RCC1: variants seen among roughly 807,000 people sequenced by gnomAD.
RCC1 encodes the protein regulator of chromosome condensation.
RCC1 carries 11 observed loss-of-function variants against 44.4 expected under a neutral mutation model. The ratio of observed to expected loss-of-function variants is 0.25; its 90% CI spans 0.16 to 0.41. The LOEUF (loss-of-function observed/expected upper bound fraction) is 0.41, where lower values mean the gene tolerates loss of function less well. Ranked by LOEUF, RCC1 falls within the 10% of genes least tolerant of loss-of-function variation. The pLI is 1.00. For missense variants in RCC1, 386 were observed against 547.1 expected (o/e 0.71, Z 2.94); for synonymous variants, 213 against 216.5 (o/e 0.98, Z 0.14).
At chr1:28,520,609 C>G (rs909986380) in intron 4 of RCC1, among the ~76,000 whole-genome samples, 3 of 152,122 alleles carry the variant, frequency 2.0e-5, no homozygotes, top group Non-Finnish European at 2.9e-5. Flanking sequence ...TTCAGGAGTG[C>G]CTGATGGTGG....
chr1:28,508,696 A>G (rs1022660579), intron 2 of RCC1, 134 bp from the exon 3 acceptor site: 1 of 518,978 alleles, frequency 1.9e-6, no homozygotes, highest in South Asian at 1.4e-5. Flanking sequence ...CTGCGCCTGC[A>G]TATTCCTACA....
chr1:28,517,953 G>A (rs1307611312), intron 4 of RCC1, among the ~76,000 whole-genome samples: 2 of 152,192 alleles, frequency 1.3e-5, no homozygotes, highest in Non-Finnish European at 2.9e-5. Context: ...GGGAAGATGA[G>A]TATCTTTTTT....
rs552685498 is a variant in RCC1, at chr1:28,524,586, G to C, written c.-9-5272G>C. On this transcript the variant is annotated intron_variant, in intron 4 of 12. Coordinates refer to ENST00000683442, the MANE Select transcript of RCC1 (RefSeq NM_001381865.2). ...AAAAATAAAATAAAAGGCCAGGCAT[G>C]GTGGCTTACACCTATAATCCCAGCA... is the stretch of plus-strand genomic sequence containing the variant. 1.1e-4 allele frequency among the ~76,000 whole-genome samples: 17 copies of C among 152,180 alleles called. No individual in the cohort carries two copies. The South Asian group carries it at 3.5e-3, about 32-fold the overall frequency.
intron 7 of RCC1, among the ~76,000 whole-genome samples, chr1:28,533,990 T>C (rs1218717240): frequency 6.8e-6 from 1 of 146,854 alleles, no homozygotes; most frequent in Non-Finnish European, 1.5e-5. Flanking sequence ...CAATTCTCCT[T>C]CCTCAGCCTC....
At chr1:28,527,077 C>T (rs1663712724) in intron 4 of RCC1, 2 of 927,472 alleles carry the variant, frequency 2.2e-6, no homozygotes, top group African/African-American at 1.6e-5. Context: ...CAGAATTTTG[C>T]TTGACCGGAA....
At chr1:28,535,409 C>T in intron 9 of RCC1, 29 bp downstream of exon 9, 1 of 1,611,838 alleles carries the variant, frequency 6.2e-7, no homozygotes, top group Non-Finnish European at 8.5e-7. Context: ...TCCAGCAGGG[C>T]AAATTGGCAG....
In RCC1 at chr1:28,536,534, G is replaced by A. The variant is rs1381087946; in HGVS notation, c.937+153G>A. ...TGAGAGTCACTCTCATCCTCCTAGA[G>A]TCCTGGTGTTCTTCCAAGTGTGAGT... is the stretch of plus-strand genomic sequence containing the variant. On this transcript the variant is annotated intron_variant, in intron 11 of 12. Transcript: ENST00000683442. The surrounding 1 kb of genome is among the most constrained non-coding windows in gnomAD (Gnocchi z 4.9). Among the ~76,000 whole-genome samples, 2 of 152,150 alleles carry A rather than the reference G, an allele frequency of 1.3e-5. No individual in the cohort carries two copies.
intron 4 of RCC1, among the ~76,000 whole-genome samples, chr1:28,526,156 G>T (rs750455650): frequency 6.6e-6 from 1 of 152,026 alleles, no homozygotes; most frequent in Non-Finnish European, 1.5e-5. Context: ...ACTGTGATGC[G>T]CACTTGTAGT....
At chr1:28,518,480 C>T (rs908260586) in intron 4 of RCC1, 3 of 150,480 alleles carry the variant, frequency 2.0e-5, no homozygotes, top group Non-Finnish European at 3.0e-5. Context: ...GGTGCGGGCT[C>T]GCGATTCCCC....
At chr1:28,537,044 C>G in intron 12 of RCC1, 145 bp downstream of exon 12, 2 of 839,068 alleles carry the variant, frequency 2.4e-6, no homozygotes, top group Non-Finnish European at 3.8e-6. Context: ...TCCTGCTTCT[C>G]AGAAGCTCTG....
chr1:28,529,370 G>T (rs565428654), intron 4 of RCC1, among the ~76,000 whole-genome samples: 1 of 151,460 alleles, frequency 6.6e-6, no homozygotes. Flanking sequence ...TTTTAGTAGA[G>T]ACGGGGTTTT....
chr1:28,508,836 A>G lies in RCC1; in HGVS notation c.-222A>G. The G allele has an allele frequency of 1.9e-6, 1 of 517,628 alleles. No individual in the cohort carries two copies. Among genetic ancestry groups the G allele is most frequent in the South Asian group, 1.4e-5 (1 of 71,398 alleles). The allele number at this position is 517,628 out of a possible 1,614,324, so 32.1% of individuals were successfully genotyped here. A position where few individuals can be genotyped will look rare whatever the true frequency, so the allele number is the denominator to read the frequency against. On this transcript the variant is annotated 5_prime_UTR_variant, in exon 3 of 13. Coordinates refer to ENST00000683442, the MANE Select transcript of RCC1 (RefSeq NM_001381865.2). ...ATTATTTCTTTTCTTTTAGGAGAGAAGACGATCTGCACTTCGCATTTTGGC... is the reference window on the plus strand; with the variant it reads ...ATTATTTCTTTTCTTTTAGGAGAGAGGACGATCTGCACTTCGCATTTTGGC...
intron 3 of RCC1, chr1:28,509,778 T>G (rs759505339): frequency 1.9e-4 from 29 of 152,190 alleles, no homozygotes; most frequent in Non-Finnish European, 8.8e-5. Context: ...GGGTTCACTT[T>G]ATATTGGCAG....
At chr1:28,515,520 C>T (rs1021580321) in intron 3 of RCC1, among the ~76,000 whole-genome samples, 12 of 151,086 alleles carry the variant, frequency 7.9e-5, no homozygotes, top group East Asian at 5.9e-4. Flanking sequence ...AGCTCAAGAC[C>T]GGCCTGGCCA....
chr1:28,531,121 C>G (rs1163368493), intron 5 of RCC1, among the ~76,000 whole-genome samples: 2 of 152,006 alleles, frequency 1.3e-5, no homozygotes, highest in African/African-American at 4.8e-5. Context: ...CCCAGCTACT[C>G]AGGAGGCTGA....
chr1:28,534,926 A>G lies in RCC1; in HGVS notation c.442-124A>G, dbSNP rs1000628919. On this transcript the variant is annotated intron_variant, in intron 7 of 12. Coordinates refer to ENST00000683442, the MANE Select transcript of RCC1 (RefSeq NM_001381865.2). Reference sequence around the variant, plus strand: ...ACCATAAATGATTTCATTCATAAGTATTTGAGTATGTGGCCTGGCTCCTGC... The same window carrying G: ...ACCATAAATGATTTCATTCATAAGTGTTTGAGTATGTGGCCTGGCTCCTGC... 1.4e-4 allele frequency: 102 copies of G among 743,156 alleles called. 4 individuals carry two copies. In the South Asian group the frequency reaches 1.5e-3, roughly 11 times the overall value. 46.0% of individuals were successfully genotyped at this position (743,156 alleles called of 1,614,324 possible).
At chr1:28,507,555 C>T (rs770315681) in intron 1 of RCC1, 5 of 517,566 alleles carry the variant, frequency 9.7e-6, no homozygotes, top group Non-Finnish European at 1.5e-5. Flanking sequence ...GGGAGACAAA[C>T]CATGCAGGAA....
At chr1:28,520,818 CTG>C (rs1158555130) in intron 4 of RCC1, among the ~76,000 whole-genome samples, 1 of 152,210 alleles carries the variant, frequency 6.6e-6, no homozygotes, top group Non-Finnish European at 1.5e-5. Context: ...TGGCTCACGA[CTG>C]TAACCCCAGC....
At chr1:28,512,013 C>T (rs1355299585) in intron 3 of RCC1, among the ~76,000 whole-genome samples, 4 of 143,326 alleles carry the variant, frequency 2.8e-5, no homozygotes, top group Admixed American at 7.2e-5. Flanking sequence ...GAGTCTTTGC[C>T]TCCCAGGCTG....
Sources: gnomAD v4.1 joint callset for allele counts (sites outside exome capture counted in the v4.1 genomes callset) on GRCh38, gnomAD v4.1.1 for gene constraint, Gnocchi (gnomAD v3.1) non-coding constraint, MANE v1.5 for transcripts, NCBI Gene and HGNC (gene_info 2026-07-23, HGNC 2026-07-21) for gene names.